TTC39A: variants seen among roughly 807,000 people sequenced by gnomAD.
The protein encoded by TTC39A is tetratricopeptide repeat domain 39A, also known as tetratricopeptide repeat protein 39A.
A neutral mutation model predicts 82.3 loss-of-function variants in TTC39A; 46 were observed. The ratio of observed to expected loss-of-function variants is 0.56; its 90% CI spans 0.44 to 0.71. The LOEUF (loss-of-function observed/expected upper bound fraction) is 0.71. Among genes scored for constraint, TTC39A ranks in the 30% least tolerant of loss-of-function variants. The pLI is 0.00. For missense variants in TTC39A, 543 were observed against 712.9 expected (o/e 0.76, Z 2.71); for synonymous variants, 254 against 275.2 (o/e 0.92, Z 0.76).
intron 7 of TTC39A, chr1:51,305,603 G>T (rs1644839004): frequency 3.1e-6 from 1 of 325,644 alleles, no homozygotes. Context: ...GTCATCAGCT[G>T]GTTTCAGGAC....
intron 16 of TTC39A, among the ~76,000 whole-genome samples, chr1:51,289,616 T>C (rs148060175): frequency 6.6e-6 from 1 of 152,324 alleles, no homozygotes; most frequent in African/African-American, 2.4e-5. Context: ...GGTCCCTTCT[T>C]GGGGCACCTG....
At chr1:51,303,451 T>A (rs1644755595) in intron 8 of TTC39A, among the ~76,000 whole-genome samples, 1 of 152,172 alleles carries the variant, frequency 6.6e-6, no homozygotes, top group African/African-American at 2.4e-5. Flanking sequence ...CACAGCCCCT[T>A]CCCCAGCCTC....
intron 1 of TTC39A, chr1:51,322,411 CT>C: frequency 4.4e-6 from 2 of 453,950 alleles, no homozygotes; most frequent in Non-Finnish European, 5.8e-6. Flanking sequence ...TTCTCTATAG[CT>C]TTTACCACCC....
intron 1 of TTC39A, among the ~76,000 whole-genome samples, chr1:51,322,538 A>G (rs769304436): frequency 7.9e-5 from 12 of 152,082 alleles, no homozygotes; most frequent in Admixed American, 6.6e-5. Flanking sequence ...ACTAGTATCC[A>G]GTACAAAGTA....
chr1:51,338,236 T>C (rs1360587718), intron 1 of TTC39A, among the ~76,000 whole-genome samples: 1 of 152,142 alleles, frequency 6.6e-6, no homozygotes, highest in Non-Finnish European at 1.5e-5. Flanking sequence ...CTGCTGGGAA[T>C]AGGATATTTG....
chr1:51,332,748 TA>T (rs553136905), upstream of TTC39A, among the ~76,000 whole-genome samples: 3 of 152,014 alleles, frequency 2.0e-5, no homozygotes, highest in Non-Finnish European at 2.9e-5. Context: ...TGAATAAGGG[TA>T]AAAAAATGCT....
intron 14 of TTC39A, among the ~76,000 whole-genome samples, chr1:51,291,345 G>T (rs1644207177): frequency 6.6e-6 from 1 of 151,594 alleles, no homozygotes; most frequent in Non-Finnish European, 1.5e-5. Context: ...ACAAAAATTA[G>T]CCGGGTGTGG....
chr1:51,316,402 T>A (rs1434467610), intron 2 of TTC39A, among the ~76,000 whole-genome samples: 1 of 152,118 alleles, frequency 6.6e-6, no homozygotes, highest in Non-Finnish European at 1.5e-5. Context: ...CTCCAGCCTG[T>A]CCCCTCTTCC....
At chr1:51,310,462 C>T (rs780092728) in intron 5 of TTC39A, among the ~76,000 whole-genome samples, 1 of 151,938 alleles carries the variant, frequency 6.6e-6, no homozygotes, top group Non-Finnish European at 1.5e-5. Context: ...TACAGTGAAT[C>T]CTAAAGCAAG....
At chr1:51,342,123 T>C (rs778976934) in intron 1 of TTC39A, among the ~76,000 whole-genome samples, 1 of 152,182 alleles carries the variant, frequency 6.6e-6, no homozygotes, top group Non-Finnish European at 1.5e-5. Flanking sequence ...GTGGGGGCTA[T>C]GGTATGGCTA....
intron 2 of TTC39A, among the ~76,000 whole-genome samples, chr1:51,320,819 G>A (rs906120136): frequency 2.6e-5 from 4 of 151,454 alleles, no homozygotes; most frequent in African/African-American, 9.7e-5. Flanking sequence ...GAAGGGAGGT[G>A]GGGCAGGGGT....
chr1:51,312,142 G>A lies in TTC39A; in HGVS notation c.332C>T (p.Pro111Leu). Residue 111 changes from proline to leucine, a missense_variant, in exon 4 of 18, where the codon CCC becomes CTC. Pro to Leu is a moderately conservative substitution (Grantham distance 98). Transcript: ENST00000680483. ...TDSFSSLVNR[P>L]TLGQFTEEEI... ...ACCTTCAGTGAATTGGCCCAGCGTG[G>A]GGCGGTTCACCAGGCTGCTGAAGGA... 1 of 1,611,812 alleles carries A rather than the reference G, an allele frequency of 6.2e-7. No homozygotes were observed. Among genetic ancestry groups the A allele is most frequent in the Non-Finnish European group, 8.5e-7 (1 of 1,179,102 alleles).
rs1319970218 is a variant in TTC39A at position 51,344,950 on chromosome 1, C to T, written c.53+41G>A. The T allele has an allele frequency of 3.9e-6, 6 of 1,526,048 alleles. No individual in the cohort carries two copies. The East Asian group carries it at 1.6e-4, about 41-fold the overall frequency. The allele number at this position is 1,526,048 out of a possible 1,614,324, so 94.5% of individuals were successfully genotyped here. A position where few individuals can be genotyped will look rare whatever the true frequency, so the allele number is the denominator to read the frequency against. ...TGGGTCCTCCGGCGGCCCCTTGGTC[C>T]CGTCCGCGCCTTCCGCCGAGTCCCC... On this transcript the variant is annotated intron_variant, in intron 1 of 5. Transcript: ENST00000401051.
chr1:51,293,474 T>C (rs1003027113), intron 14 of TTC39A, among the ~76,000 whole-genome samples: 4 of 152,250 alleles, frequency 2.6e-5, no homozygotes, highest in Non-Finnish European at 5.9e-5. Context: ...ATAAAGTGTT[T>C]AACACATTTT....
In TTC39A at chr1:51,291,821, A is replaced by AT. The variant is rs1553172165; in HGVS notation, c.1267-1197dup. On this transcript the variant is annotated intron_variant, in intron 14 of 17. Transcript: ENST00000680483. ...ATTCTATCTCAAAAAAAAAAAAAAA[A>AT]TTCTTTTCACCATGTCTTTGTCAGG... Among the ~76,000 whole-genome samples, 732 of 151,132 alleles carry AT rather than the reference A, an allele frequency of 4.8e-3. 4 individuals are homozygous for AT. The highest frequency in any genetic ancestry group is 7.6e-3 in the African/African-American group (311 of 41,094).
At chr1:51,320,416 CTTTTTT>C (rs57261779) in intron 2 of TTC39A, among the ~76,000 whole-genome samples, 3 of 79,474 alleles carry the variant, frequency 3.8e-5, no homozygotes, top group African/African-American at 1.0e-4. Flanking sequence ...TTTTCTTTTT[CTTTTTT>C]TTTTTTTTTT....
intron 12 of TTC39A, chr1:51,300,762 T>C (rs776302987): frequency 1.3e-5 from 2 of 152,236 alleles, no homozygotes; most frequent in East Asian, 1.9e-4. Context: ...CCCTCCACTA[T>C]TTCTGGGTGC....
At chr1:51,328,037 G>T (rs901001925) in intron 1 of TTC39A, among the ~76,000 whole-genome samples, 8 of 152,092 alleles carry the variant, frequency 5.3e-5, no homozygotes, top group African/African-American at 2.4e-5. Context: ...ACTTTATAAT[G>T]AAACTAAATA....
At chr1:51,327,898 T>C (rs1159281565) in intron 1 of TTC39A, among the ~76,000 whole-genome samples, 5 of 152,166 alleles carry the variant, frequency 3.3e-5, no homozygotes, top group Admixed American at 2.0e-4. Flanking sequence ...GGTTTCACCA[T>C]GTTGGCCAGG....
Sources: gnomAD v4.1 joint callset for allele counts (sites outside exome capture counted in the v4.1 genomes callset) on GRCh38, gnomAD v4.1.1 for gene constraint, MANE v1.5 for transcripts, NCBI Gene and HGNC (gene_info 2026-07-23, HGNC 2026-07-21) for gene names.